GALNTL6: variants seen among roughly 807,000 people sequenced by gnomAD.
The protein encoded by GALNTL6 is polypeptide N-acetylgalactosaminyltransferase like 6.
GALNTL6 carries 46 observed loss-of-function variants against 73.7 expected under a neutral mutation model. The ratio of observed to expected loss-of-function variants is 0.62; its 90% confidence interval spans 0.49 to 0.80. The LOEUF is 0.80. Ranked by LOEUF, GALNTL6 falls within the 30% of genes least tolerant of loss-of-function variation. The pLI is 0.00. For synonymous variants in GALNTL6, 259 were observed against 263.7 expected (o/e 0.98, Z 0.17); for missense variants, 604 against 755.0 (o/e 0.80, Z 2.34).
In GALNTL6 at chr4:172,916,680, G is replaced by C. The variant is rs187651627; in HGVS notation, c.1042-14481G>C. On this transcript the variant is annotated intron_variant, in intron 8 of 12. Transcript: ENST00000506823. ...AAAGAGAATAAAATACCTAGGAATC[G>C]AACTTACAAGGGATGTGAAGAACCG... Among the ~76,000 whole-genome samples, 60 of 151,918 alleles carry C rather than the reference G, an allele frequency of 3.9e-4. 1 individual carries two copies. The highest frequency in any genetic ancestry group is 9.7e-4 in the African/African-American group (40 of 41,446).
chr4:171,875,936 A>G (rs1467217648), intron 2 of GALNTL6, among the ~76,000 whole-genome samples: 1 of 151,962 alleles, frequency 6.6e-6, no homozygotes, highest in Non-Finnish European at 1.5e-5. Context: ...GCAAAAATGA[A>G]TTATCCAATA....
chr4:172,118,524 A>G (rs755070480), intron 2 of GALNTL6, among the ~76,000 whole-genome samples: 4 of 152,014 alleles, frequency 2.6e-5, no homozygotes, highest in African/African-American at 4.8e-5. Flanking sequence ...ACATGGTGAA[A>G]CCCCGTCTCT....
intron 5 of GALNTL6, among the ~76,000 whole-genome samples, chr4:172,362,985 C>T (rs2332482): frequency 0.13 from 19,781 of 152,100 alleles, 1,290 homozygotes; most frequent in East Asian, 0.17. Flanking sequence ...TTTGTCTAAT[C>T]AAATCCATTA....
chr4:171,824,077 T>TTATATTTATATATATATATA (rs1553962445), intron 2 of GALNTL6, among the ~76,000 whole-genome samples: 2 of 129,212 alleles, frequency 1.5e-5, no homozygotes, highest in East Asian at 4.4e-4. Flanking sequence ...CAAATCCATT[T>TTATATTTATATATATATATA]TATATATATA....
rs113802045 is a variant in GALNTL6 at position 172,005,675 on chromosome 4, A to G, written c.138+190957A>G. Among the ~76,000 whole-genome samples the G allele has an allele frequency of 4.4e-3, 670 of 152,292 alleles. 3 individuals carry two copies. The highest frequency in any genetic ancestry group is 0.015 in the African/African-American group (641 of 41,572). On this transcript the variant is annotated intron_variant, in intron 2 of 12. Transcript: ENST00000506823. ...ATATCTTAAAATTCTAAAATAAGGA[A>G]CATGGTCTAAGCTAAGATCTTACTA... is the stretch of plus-strand genomic sequence containing the variant.
chr4:172,390,202 T>C (rs569584574), intron 5 of GALNTL6, among the ~76,000 whole-genome samples: 3 of 152,218 alleles, frequency 2.0e-5, no homozygotes, highest in Non-Finnish European at 2.9e-5. Flanking sequence ...AAAATTGACT[T>C]ATTTTTCAAA....
At chr4:172,021,970 A>G (rs982240761) in intron 2 of GALNTL6, among the ~76,000 whole-genome samples, 1 of 152,038 alleles carries the variant, frequency 6.6e-6, no homozygotes, top group Non-Finnish European at 1.5e-5. Flanking sequence ...TAAGACCTCA[A>G]AGTATGAAAC....
intron 2 of GALNTL6, among the ~76,000 whole-genome samples, chr4:172,016,293 G>A (rs1019948334): frequency 2.0e-5 from 3 of 151,732 alleles, no homozygotes; most frequent in African/African-American, 7.3e-5. Context: ...TGTTTGATTG[G>A]GTTAATTTGA....
chr4:172,502,251 T>C (rs1179192366), intron 5 of GALNTL6, among the ~76,000 whole-genome samples: 2 of 152,224 alleles, frequency 1.3e-5, no homozygotes, highest in African/African-American at 4.8e-5. Flanking sequence ...AGACTGTTAC[T>C]AAACTCATTT....
At chr4:172,883,217 A>T (rs1389352118) in intron 8 of GALNTL6, among the ~76,000 whole-genome samples, 1 of 152,224 alleles carries the variant, frequency 6.6e-6, no homozygotes, top group Non-Finnish European at 1.5e-5. Flanking sequence ...TGTGTTGGAA[A>T]CATTGCAATT....
intron 7 of GALNTL6, among the ~76,000 whole-genome samples, chr4:172,846,666 C>T (rs931899444): frequency 6.6e-6 from 1 of 152,158 alleles, no homozygotes; most frequent in Non-Finnish European, 1.5e-5. Context: ...TGGACCTCAG[C>T]AATGAACCTT....
chr4:172,952,097 C>G lies in GALNTL6; in HGVS notation c.1210C>G (p.Arg404Gly), dbSNP rs1230133951. Residue 404 changes from arginine (R) to glycine (G), a missense_variant, in exon 10 of 13, where the codon CGG becomes GGG. Physicochemically the swap from Arg to Gly is moderately radical, Grantham distance 125 (BLOSUM62 -2). This residue lies in a region of GALNTL6 where 261 missense variants were observed against 296.5 expected (regional missense o/e 0.88). Transcript: ENST00000506823. ...ATTTGCCGAGTACATTTACCAGCGG[C>G]GGCCGGAGTACAGGCATCTCTCCAC... The part of the protein sequence containing the change: ...DEFAEYIYQR[R>G]PEYRHLSTGD... 1 of 1,614,122 alleles carries G rather than the reference C, an allele frequency of 6.2e-7. No homozygotes were observed. Among genetic ancestry groups the G allele is most frequent in the African/African-American group, 1.3e-5 (1 of 75,032 alleles).
intron 2 of GALNTL6, among the ~76,000 whole-genome samples, chr4:171,838,470 T>C (rs1440198343): frequency 6.6e-6 from 1 of 152,116 alleles, no homozygotes; most frequent in Admixed American, 6.6e-5. Flanking sequence ...ACAATAAATA[T>C]TTTATTGTTC....
Position 172,147,747 on chromosome 4 carries a change from G to A in GALNTL6, c.139-81909G>A, listed in dbSNP as rs541615787. On this transcript the variant is annotated intron_variant, in intron 2 of 12. Transcript: ENST00000506823. Reference sequence around the variant, plus strand: ...AACAAAGCATATAAGCATTGCAGGGGAGATCTCTAAGAAATAATACTGATC... The same window carrying A: ...AACAAAGCATATAAGCATTGCAGGGAAGATCTCTAAGAAATAATACTGATC... 2.6e-5 allele frequency among the ~76,000 whole-genome samples: 4 copies of A among 152,206 alleles called. No homozygotes were observed. The South Asian group carries it at 8.3e-4, about 32-fold the overall frequency.
intron 2 of GALNTL6, among the ~76,000 whole-genome samples, chr4:171,933,497 A>T (rs1738248642): frequency 6.6e-6 from 1 of 152,200 alleles, no homozygotes; most frequent in African/African-American, 2.4e-5. Context: ...AATGAGAAAT[A>T]GTTATAAGCC....
At chr4:171,871,481 C>T (rs1736136574) in intron 2 of GALNTL6, among the ~76,000 whole-genome samples, 1 of 152,106 alleles carries the variant, frequency 6.6e-6, no homozygotes, top group African/African-American at 2.4e-5. Context: ...CTCAGTGCTT[C>T]TTTTGACCAT....
intron 12 of GALNTL6, among the ~76,000 whole-genome samples, chr4:173,036,061 GT>G (rs1226012471): frequency 3.3e-5 from 5 of 152,122 alleles, no homozygotes; most frequent in Non-Finnish European, 7.4e-5. Context: ...TCATTTACAT[GT>G]TACAGATAAG....
intron 3 of GALNTL6, among the ~76,000 whole-genome samples, chr4:172,258,442 G>A (rs546527562): frequency 7.5e-4 from 113 of 151,278 alleles, no homozygotes; most frequent in Non-Finnish European, 1.5e-3. Context: ...TTCATTAGTT[G>A]ATGTGAGAAT....
intron 10 of GALNTL6, among the ~76,000 whole-genome samples, chr4:172,956,260 A>G (rs1749749206): frequency 1.3e-5 from 2 of 151,964 alleles, no homozygotes; most frequent in Admixed American, 1.3e-4. Context: ...AAGGGGTGAT[A>G]TTGTGGGGTT....
Sources: allele counts gnomAD v4.1 joint callset (sites outside exome capture counted in the v4.1 genomes callset), GRCh38; gene constraint gnomAD v4.1.1; regional missense constraint gnomAD v4.1.1; transcripts MANE v1.5; gene names NCBI Gene and HGNC (gene_info 2026-07-23, HGNC 2026-07-21).